The following SBF2 variants were observed in gnomAD, a reference collection of about 807,000 sequenced individuals.
The protein encoded by SBF2 is myotubularin-related protein 13.
A neutral mutation model predicts 225.2 loss-of-function variants in SBF2; 112 were observed. That is an observed-to-expected ratio of 0.50 (90% confidence interval 0.43 to 0.58). The LOEUF (loss-of-function observed/expected upper bound fraction) is 0.58, where lower values mean the gene tolerates loss of function less well. Among genes scored for constraint, SBF2 ranks in the 20% least tolerant of loss-of-function variants. The pLI, the probability that SBF2 is intolerant of heterozygous loss-of-function variation, is 0.00. For synonymous variants in SBF2, 763 were observed against 773.3 expected (o/e 0.99, Z 0.22); for missense variants, 1,996 against 2,206.2 (o/e 0.90, Z 1.91).
intron 1 of SBF2, among the ~76,000 whole-genome samples, chr11:10,232,376 A>G (rs1327982174): frequency 6.7e-6 from 1 of 149,150 alleles, no homozygotes; most frequent in South Asian, 2.1e-4. Flanking sequence ...GAAATGCATA[A>G]ATCACCCATC....
intron 16 of SBF2, among the ~76,000 whole-genome samples, chr11:9,935,599 C>T (rs549583631): frequency 6.8e-4 from 103 of 152,238 alleles, no homozygotes; most frequent in Middle Eastern, 3.4e-3. Context: ...GTACTGGTAT[C>T]AAAACAGATA....
rs573710079 is a variant in SBF2, at chr11:10,116,067, G to A, written c.142-73086C>T. 7.9e-5 allele frequency among the ~76,000 whole-genome samples: 12 copies of A among 152,298 alleles called. No individual in the cohort carries two copies. In the East Asian group the frequency reaches 2.3e-3, roughly 29 times the overall value. On this transcript the variant is annotated intron_variant, in intron 2 of 39. Coordinates refer to ENST00000256190, the MANE Select transcript of SBF2 (RefSeq NM_030962.4). Reference sequence around the variant, plus strand: ...GCCTGTAGTCCCAGCTACTCGGGAGGCTGAGGCAGGAGAATGGTGTGAACC... The same window carrying A: ...GCCTGTAGTCCCAGCTACTCGGGAGACTGAGGCAGGAGAATGGTGTGAACC...
At chr11:10,160,918 G>C (rs1421129208) in intron 2 of SBF2, among the ~76,000 whole-genome samples, 1 of 152,120 alleles carries the variant, frequency 6.6e-6, no homozygotes, top group Non-Finnish European at 1.5e-5. Context: ...CCTCATTACA[G>C]GTTCATGCCT....
intron 26 of SBF2, chr11:9,839,215 T>C: frequency 4.7e-6 from 2 of 425,042 alleles, no homozygotes; most frequent in East Asian, 5.2e-5. Flanking sequence ...CTTCAAGTTA[T>C]CTTTAGTCAT....
At chr11:9,844,416 C>T (rs1270602482) in intron 24 of SBF2, among the ~76,000 whole-genome samples, 1 of 152,190 alleles carries the variant, frequency 6.6e-6, no homozygotes, top group Non-Finnish European at 1.5e-5. Context: ...CCGAATTCTA[C>T]ATGGTTAACA....
At chr11:9,860,561 G>A (rs1857653924) in intron 17 of SBF2, among the ~76,000 whole-genome samples, 1 of 151,962 alleles carries the variant, frequency 6.6e-6, no homozygotes, top group Non-Finnish European at 1.5e-5. Context: ...GAACTCCTGG[G>A]CTCGAGTGAT....
chr11:10,068,769 T>C (rs537683301), intron 2 of SBF2, among the ~76,000 whole-genome samples: 3 of 152,310 alleles, frequency 2.0e-5, no homozygotes, highest in South Asian at 4.1e-4. Flanking sequence ...TTGATTCTTC[T>C]CTACCTCAAA....
chr11:9,795,542 GA>G (rs2133871707), intron 33 of SBF2, among the ~76,000 whole-genome samples: 1 of 152,310 alleles, frequency 6.6e-6, no homozygotes, highest in African/African-American at 2.4e-5. Context: ...ATCAGGGTTG[GA>G]AAAACTAGGA....
chr11:9,897,826 A>G (rs1482191067), intron 16 of SBF2, among the ~76,000 whole-genome samples: 1 of 152,240 alleles, frequency 6.6e-6, no homozygotes, highest in Non-Finnish European at 1.5e-5. Context: ...TGTCAGCCAC[A>G]GAGCCACAAC....
At chr11:9,930,474 G>A (rs1188347277) in intron 16 of SBF2, among the ~76,000 whole-genome samples, 4 of 152,214 alleles carry the variant, frequency 2.6e-5, no homozygotes, top group Non-Finnish European at 5.9e-5. Flanking sequence ...GAGGCAGGGT[G>A]TTGAGAAGAG....
rs1852003419 is a variant in SBF2 at position 9,781,492 on chromosome 11, G to T, written c.5451+15C>A. 2.5e-6 allele frequency: 4 copies of T among 1,614,132 alleles called. No individual in the cohort carries two copies. The highest frequency in any genetic ancestry group is 3.4e-6 in the Non-Finnish European group (4 of 1,179,980). On this transcript the variant is annotated intron_variant, in intron 39 of 39. Transcript: ENST00000256190. ...TGCAGACAGAGCCAGGAAAAGAGAA[G>T]TAAGATCAACTTACATCAAAGAAAG...
chr11:9,868,949 C>T (rs1858480021), intron 17 of SBF2, among the ~76,000 whole-genome samples: 1 of 152,050 alleles, frequency 6.6e-6, no homozygotes, highest in African/African-American at 2.4e-5. Context: ...TTGTCAATGC[C>T]CAGATTTGTT....
chr11:9,890,285 C>T (rs773117181), intron 17 of SBF2, among the ~76,000 whole-genome samples: 1 of 151,848 alleles, frequency 6.6e-6, no homozygotes, highest in African/African-American at 2.4e-5. Flanking sequence ...ATGGTTTTAC[C>T]ACTCTGTAAA....
chr11:9,997,651 G>A (rs896123494), intron 9 of SBF2, among the ~76,000 whole-genome samples: 9 of 152,144 alleles, frequency 5.9e-5, no homozygotes, highest in Non-Finnish European at 8.8e-5. Context: ...GGTGGCGGGC[G>A]CCTGCAGTCC....
chr11:10,203,311 G>T (rs942224434), intron 1 of SBF2, among the ~76,000 whole-genome samples: 1 of 152,136 alleles, frequency 6.6e-6, no homozygotes, highest in Non-Finnish European at 1.5e-5. Flanking sequence ...GTTCCCAACA[G>T]CCAAGAGGAA....
chr11:10,183,914 C>T (rs543039406), intron 2 of SBF2, among the ~76,000 whole-genome samples: 5 of 152,214 alleles, frequency 3.3e-5, no homozygotes, highest in African/African-American at 9.6e-5. Context: ...TATAAGTTCT[C>T]GTGTTCTGTA....
chr11:10,266,064 G>T (rs1007037484), intron 1 of SBF2, among the ~76,000 whole-genome samples: 1 of 152,096 alleles, frequency 6.6e-6, no homozygotes, highest in Admixed American at 6.6e-5. Context: ...CTAGGCAGAA[G>T]ACCTTGCTTA....
intron 12 of SBF2, among the ~76,000 whole-genome samples, chr11:9,990,221 G>T (rs1947366377): frequency 6.6e-6 from 1 of 152,016 alleles, no homozygotes; most frequent in Non-Finnish European, 1.5e-5. Context: ...AAAATAAAAA[G>T]GTACAATACA....
intron 28 of SBF2, 113 bp from the exon 29 acceptor site, chr11:9,817,137 T>G: frequency 8.7e-7 from 1 of 1,145,476 alleles, no homozygotes; most frequent in Non-Finnish European, 1.3e-6. Context: ...GCAAGCTGAT[T>G]AATCTAAAAA....
Sources: gnomAD v4.1 joint callset for allele counts (sites outside exome capture counted in the v4.1 genomes callset) on GRCh38, gnomAD v4.1.1 for gene constraint, MANE v1.5 for transcripts, NCBI Gene and HGNC (gene_info 2026-07-23, HGNC 2026-07-21) for gene names.